ATP9B: variants seen among roughly 807,000 people sequenced by gnomAD.
The protein encoded by ATP9B is ATPase phospholipid transporting 9B, also known as probable phospholipid-transporting ATPase IIB.
In ATP9B, 110 loss-of-function variants were observed where a neutral mutation model predicts 146.1. That is an observed-to-expected ratio of 0.75 (90% CI 0.65 to 0.88). The LOEUF is 0.88. Among genes scored for constraint, ATP9B ranks in the 40% least tolerant of loss-of-function variants. The pLI, the probability that ATP9B is intolerant of heterozygous loss-of-function variation, is 0.00. For synonymous variants in ATP9B, 604 were observed against 569.7 expected, an observed-to-expected ratio of 1.06 and a Z score of -0.86; for missense variants, 1,499 against 1,496.4, an observed-to-expected ratio of 1.00 and a Z score of -0.03.
chr18:79,163,867 T>TACACACACAC lies in ATP9B; in HGVS notation c.778+9313_778+9314insCACACACACA, dbSNP rs1491204627. Among the ~76,000 whole-genome samples the TACACACACAC allele has an allele frequency of 9.8e-4, 76 of 77,778 alleles. 1 individual carries two copies. Among genetic ancestry groups the TACACACACAC allele is most frequent in the South Asian group, 9.7e-3 (26 of 2,680 alleles). 51.0% of individuals were successfully genotyped at this position (77,778 alleles called of 152,430 possible). A position where few individuals can be genotyped will look rare whatever the true frequency, so the allele number is the denominator to read the frequency against. On this transcript the variant is annotated intron_variant, in intron 7 of 29. Coordinates refer to ENST00000426216, the MANE Select transcript of ATP9B (RefSeq NM_198531.5). The stretch of plus-strand genomic sequence containing the variant: ...TATATTTTATTTTCATATTTTATTT[T>TACACACACAC]ATACACACACACACACACACACACA...
At chr18:79,234,893 G>A (rs2095827035) in intron 11 of ATP9B, among the ~76,000 whole-genome samples, 1 of 152,032 alleles carries the variant, frequency 6.6e-6, no homozygotes, top group African/African-American at 2.4e-5. Context: ...TATTTTTTGA[G>A]ATGGAGTCTC....
intron 1 of ATP9B, among the ~76,000 whole-genome samples, chr18:79,079,540 A>G (rs1041772848): frequency 3.3e-5 from 5 of 152,174 alleles, no homozygotes; most frequent in Admixed American, 6.5e-5. Flanking sequence ...TAGATTCTGC[A>G]TATTAGCCCT....
intron 9 of ATP9B, chr18:79,194,716 T>C (rs776798732): frequency 6.6e-5 from 10 of 152,208 alleles, no homozygotes; most frequent in Non-Finnish European, 1.2e-4. Context: ...AGTAGAGAGT[T>C]TAATCTGTAG....
intron 1 of ATP9B, among the ~76,000 whole-genome samples, chr18:79,096,022 C>T (rs1456288861): frequency 6.6e-6 from 1 of 152,222 alleles, no homozygotes; most frequent in Non-Finnish European, 1.5e-5. Context: ...CAGATACAGA[C>T]AGCTACATAC....
chr18:79,325,788 A>G (rs2096741091), intron 15 of ATP9B, among the ~76,000 whole-genome samples: 1 of 152,182 alleles, frequency 6.6e-6, no homozygotes, highest in Non-Finnish European at 1.5e-5. Context: ...TGCACGCAGC[A>G]TCTCCAGAGC....
chr18:79,121,044 G>A (rs2094179786), intron 4 of ATP9B, among the ~76,000 whole-genome samples: 1 of 152,116 alleles, frequency 6.6e-6, no homozygotes, highest in Non-Finnish European at 1.5e-5. Context: ...TCCCTTATCT[G>A]TAAATTAGAG....
At chr18:79,117,065 G>A (rs1441108072) in intron 4 of ATP9B, 1 of 151,874 alleles carries the variant, frequency 6.6e-6, no homozygotes, top group Non-Finnish European at 1.5e-5. Context: ...GTACTTGTTG[G>A]AATACTGTGT....
intron 4 of ATP9B, among the ~76,000 whole-genome samples, chr18:79,125,401 T>C (rs1199774880): frequency 6.6e-6 from 1 of 152,146 alleles, no homozygotes; most frequent in Non-Finnish European, 1.5e-5. Flanking sequence ...TTGAGAAAAA[T>C]ACCATTTCAG....
At chr18:79,346,773 C>T (rs1472792159) in intron 23 of ATP9B, among the ~76,000 whole-genome samples, 2 of 152,224 alleles carry the variant, frequency 1.3e-5, no homozygotes, top group Non-Finnish European at 2.9e-5. Flanking sequence ...GCTTGGTCGG[C>T]ACAGTCAGCA....
intron 11 of ATP9B, among the ~76,000 whole-genome samples, chr18:79,227,194 A>G (rs1386470657): frequency 6.6e-6 from 1 of 151,436 alleles, no homozygotes; most frequent in Non-Finnish European, 1.5e-5. Context: ...TTTTGTTTTT[A>G]CTTCCACAGA....
intron 17 of ATP9B, among the ~76,000 whole-genome samples, chr18:79,332,059 T>A (rs1600100843): frequency 6.6e-6 from 1 of 152,268 alleles, no homozygotes; most frequent in South Asian, 2.1e-4. Context: ...ATAAATCGAT[T>A]AACACATTGT....
rs78711049 is a variant in ATP9B at position 79,137,291 on chromosome 18, G to A, written c.668-6511G>A. 5.5e-3 allele frequency among the ~76,000 whole-genome samples: 843 copies of A among 152,118 alleles called. 10 individuals are homozygous for A. Among genetic ancestry groups the A allele is most frequent in the African/African-American group, 0.019 (806 of 41,496 alleles). ...TTTTGATTGAATGGTTTTTCTCCTCGTATGGGTCATATCTTCTTGCTTCTT... is the reference window on the plus strand; with the variant it reads ...TTTTGATTGAATGGTTTTTCTCCTCATATGGGTCATATCTTCTTGCTTCTT... On this transcript the variant is annotated intron_variant, in intron 5 of 29. Transcript: ENST00000426216.
rs1474401253 is a variant in ATP9B at position 79,241,293 on chromosome 18, T to C, written c.1108-12088T>C. Among the ~76,000 whole-genome samples the C allele has an allele frequency of 2.0e-5, 3 of 152,202 alleles. No individual in the cohort carries two copies. The South Asian group carries it at 6.2e-4, about 31-fold the overall frequency. ...GTGTGAGAATTCCGCAGCCTTTCCA[T>C]TCTCTTGCTGCCCCTCCTCTGTTAT... On this transcript the variant is annotated intron_variant, in intron 11 of 29. Transcript: ENST00000426216.
chr18:79,238,577 A>T (rs1040421103), intron 11 of ATP9B, among the ~76,000 whole-genome samples: 1 of 151,858 alleles, frequency 6.6e-6, no homozygotes, highest in African/African-American at 2.4e-5. Flanking sequence ...CGCGATTCAG[A>T]CCCTACTCCA....
intron 8 of ATP9B, among the ~76,000 whole-genome samples, chr18:79,181,054 G>A (rs981838247): frequency 2.0e-5 from 3 of 151,340 alleles, no homozygotes; most frequent in East Asian, 1.9e-4. Context: ...CAGATGATCC[G>A]CCCACCTTGG....
At chr18:79,162,644 TC>T (rs2147764169) in intron 7 of ATP9B, among the ~76,000 whole-genome samples, 1 of 152,306 alleles carries the variant, frequency 6.6e-6, no homozygotes, top group East Asian at 1.9e-4. Context: ...GTAGTGCTAT[TC>T]GTCTTGCTAC....
At chr18:79,070,180 C>T (rs578019651) in intron 1 of ATP9B, among the ~76,000 whole-genome samples, 1 of 152,280 alleles carries the variant, frequency 6.6e-6, no homozygotes, top group East Asian at 1.9e-4. Flanking sequence ...TTTAACATTT[C>T]TCATTCAAAG....
intron 19 of ATP9B, among the ~76,000 whole-genome samples, chr18:79,339,311 A>G (rs78806850): frequency 0.013 from 144 of 10,946 alleles, no homozygotes; most frequent in African/African-American, 0.019. Context: ...TGTCATGATC[A>G]CAGTAGGAAG....
intron 1 of ATP9B, among the ~76,000 whole-genome samples, chr18:79,094,889 C>G (rs2074658007): frequency 6.6e-6 from 1 of 152,138 alleles, no homozygotes; most frequent in Admixed American, 6.5e-5. Context: ...AAATATGATT[C>G]CATCGTACAC....
Sources: gnomAD v4.1 joint callset for allele counts (sites outside exome capture counted in the v4.1 genomes callset) on GRCh38, gnomAD v4.1.1 for gene constraint, MANE v1.5 for transcripts, NCBI Gene and HGNC (gene_info 2026-07-23, HGNC 2026-07-21) for gene names.